MED15: variants seen among roughly 807,000 people sequenced by gnomAD.
MED15 encodes mediator complex subunit 15, also known as mediator of RNA polymerase II transcription subunit 15.
A neutral mutation model predicts 118.7 loss-of-function variants in MED15; 41 were observed. The observed-to-expected ratio is 0.35, with a 90% CI of 0.27 to 0.45. The LOEUF (loss-of-function observed/expected upper bound fraction) is 0.45, where lower values mean the gene tolerates loss of function less well. MED15 is among the 20% of genes least tolerant of loss of function. The probability of loss-of-function intolerance (pLI) is 1.00; values close to 1 mark genes in which losing one functional copy is unlikely to be tolerated. For missense variants in MED15, 740 were observed against 1,025.5 expected, an observed-to-expected ratio of 0.72 and a Z score of 3.80; for synonymous variants, 436 against 413.9, an observed-to-expected ratio of 1.05 and a Z score of -0.65.
chr22:20,516,676 C>T (rs1350256981), intron 1 of MED15, among the ~76,000 whole-genome samples: 2 of 148,388 alleles, frequency 1.3e-5, no homozygotes, highest in Non-Finnish European at 2.9e-5. Context: ...AGGACCATGA[C>T]CACGTGATTA....
intron 1 of MED15, among the ~76,000 whole-genome samples, chr22:20,527,384 A>G (rs1397782000): frequency 1.4e-4 from 21 of 151,664 alleles, no homozygotes; most frequent in Admixed American, 1.4e-3. Context: ...TTCCCTTTTT[A>G]TAGCACCCAT....
At chr22:20,540,588 A>G (rs2055257558) in intron 2 of MED15, among the ~76,000 whole-genome samples, 1 of 152,010 alleles carries the variant, frequency 6.6e-6, no homozygotes, top group African/African-American at 2.4e-5. Context: ...AAACTTTTTA[A>G]AAAATTAACT....
chr22:20,535,765 T>C (rs1025984204), intron 1 of MED15, among the ~76,000 whole-genome samples: 1 of 151,938 alleles, frequency 6.6e-6, no homozygotes, highest in Non-Finnish European at 1.5e-5. Flanking sequence ...TTCACTGTGT[T>C]AGCCAGGATG....
In MED15 at chr22:20,585,091, G is replaced by C; in HGVS notation, c.1965-10G>C. On this transcript the variant is annotated splice_polypyrimidine_tract_variant and intron_variant, in intron 15 of 17. Coordinates refer to ENST00000263205, the MANE Select transcript of MED15 (RefSeq NM_001003891.3). ...GTGTGCCAGGTGTGGTCACCATGCC[G>C]CCTCCCCAGGGCCCCAGTGGTGTGC... 6.2e-7 allele frequency: 1 copy of C among 1,613,374 alleles called. No homozygotes were observed. The highest frequency in any genetic ancestry group is 8.5e-7 in the Non-Finnish European group (1 of 1,179,754).
intron 3 of MED15, among the ~76,000 whole-genome samples, chr22:20,552,912 G>T (rs567555924): frequency 1.3e-5 from 2 of 152,302 alleles, no homozygotes; most frequent in East Asian, 3.9e-4. Context: ...CTTGGGGGCA[G>T]CTCCCTAAGG....
intron 8 of MED15, chr22:20,574,553 G>A (rs1362979522): frequency 6.5e-6 from 1 of 152,790 alleles, no homozygotes; most frequent in African/African-American, 2.4e-5. Flanking sequence ...ATAGATACCA[G>A]GACCATCAGC....
intron 3 of MED15, among the ~76,000 whole-genome samples, chr22:20,552,368 AG>A (rs1485811880): frequency 6.6e-6 from 1 of 152,198 alleles, no homozygotes. Flanking sequence ...AGAGCCTGGT[AG>A]GTTTTGCTTC....
intron 1 of MED15, among the ~76,000 whole-genome samples, chr22:20,533,975 G>T (rs1601502608): frequency 1.3e-5 from 2 of 152,284 alleles, no homozygotes; most frequent in Middle Eastern, 3.4e-3. Flanking sequence ...TCTGGGGCCT[G>T]CCAGTCTGCT....
chr22:20,554,758 G>T (rs990155168), intron 4 of MED15, 178 bp from the exon 5 acceptor site: 18 of 603,062 alleles, frequency 3.0e-5, no homozygotes, highest in Non-Finnish European at 4.3e-5. Flanking sequence ...AACACACCTG[G>T]CGTCCTAGCC....
chr22:20,544,926 C>A (rs2055467883), intron 2 of MED15, among the ~76,000 whole-genome samples: 1 of 152,176 alleles, frequency 6.6e-6, no homozygotes, highest in South Asian at 2.1e-4. Flanking sequence ...TGTGAACTTT[C>A]CTTCTGCCTC....
chr22:20,568,697 G>A, intron 8 of MED15, 66 bp downstream of exon 8: 1 of 1,567,538 alleles, frequency 6.4e-7, no homozygotes, highest in Middle Eastern at 1.7e-4. Flanking sequence ...CGCATGTAGT[G>A]CTACAGTGAG....
intron 8 of MED15, 139 bp from the exon 9 acceptor site, chr22:20,574,974 C>T: frequency 7.7e-7 from 1 of 1,303,204 alleles, no homozygotes. Flanking sequence ...GGCCTCCCCT[C>T]CCAGGCTGCC....
chr22:20,531,636 G>A (rs1307651638), intron 1 of MED15, among the ~76,000 whole-genome samples: 1 of 152,220 alleles, frequency 6.6e-6, no homozygotes, highest in Non-Finnish European at 1.5e-5. Context: ...CTGATTCTCC[G>A]TTCTGCACGT....
chr22:20,544,494 G>A (rs1253139397), intron 2 of MED15, among the ~76,000 whole-genome samples: 2 of 152,034 alleles, frequency 1.3e-5, no homozygotes, highest in African/African-American at 2.4e-5. Flanking sequence ...TGAAACCCCC[G>A]TCTCTACTAA....
chr22:20,527,509 A>T (rs1185915239), intron 1 of MED15, among the ~76,000 whole-genome samples: 1 of 151,794 alleles, frequency 6.6e-6, no homozygotes, highest in Non-Finnish European at 1.5e-5. Flanking sequence ...TGATGTGTTC[A>T]TGGCTCACTA....
chr22:20,509,048 C>A (rs2053974676), intron 1 of MED15, among the ~76,000 whole-genome samples: 1 of 152,002 alleles, frequency 6.6e-6, no homozygotes, highest in Admixed American at 6.6e-5. Flanking sequence ...CCTAGAAAGA[C>A]AAGTAGGAGT....
chr22:20,577,731 A>G (rs2056863356), intron 9 of MED15, among the ~76,000 whole-genome samples: 1 of 151,886 alleles, frequency 6.6e-6, no homozygotes, highest in Admixed American at 6.6e-5. Context: ...GGCCCCGCCC[A>G]TTCGCACTGG....
intron 5 of MED15, among the ~76,000 whole-genome samples, chr22:20,560,014 G>C (rs1569220702): frequency 6.6e-6 from 1 of 152,134 alleles, no homozygotes; most frequent in African/African-American, 2.4e-5. Context: ...AATGTCTGGA[G>C]ACATTTTGGG....
At chr22:20,558,338 T>C (rs1372302976) in intron 5 of MED15, among the ~76,000 whole-genome samples, 3 of 151,596 alleles carry the variant, frequency 2.0e-5, no homozygotes, top group Admixed American at 6.6e-5. Context: ...AGAGCCTGGG[T>C]CAGAGGTTTT....
Sources: gnomAD v4.1 joint callset for allele counts (sites outside exome capture counted in the v4.1 genomes callset) on GRCh38, gnomAD v4.1.1 for gene constraint, MANE v1.5 for transcripts, NCBI Gene and HGNC (gene_info 2026-07-23, HGNC 2026-07-21) for gene names.